The following SVEP1 variants were observed in gnomAD, a reference collection of about 807,000 sequenced individuals.
The protein encoded by SVEP1 is sushi, von Willebrand factor type A, EGF and pentraxin domain-containing protein 1.
SVEP1 carries 164 observed loss-of-function variants against 367.3 expected under a neutral mutation model. The observed-to-expected ratio is 0.45, with a 90% CI of 0.39 to 0.51. The LOEUF is 0.51. Among genes scored for constraint, SVEP1 ranks in the 20% least tolerant of loss-of-function variants. The pLI is 0.00. For synonymous variants in SVEP1, 1,666 were observed against 1,611.6 expected (o/e 1.03, Z -0.81); for missense variants, 4,117 against 4,425.3 (o/e 0.93, Z 1.98).
At chr9:110,523,977 T>A (rs1345272008) in intron 3 of SVEP1, among the ~76,000 whole-genome samples, 1 of 151,986 alleles carries the variant, frequency 6.6e-6, no homozygotes, top group Non-Finnish European at 1.5e-5. Context: ...ATTACCAATA[T>A]CAGGTAAGCA....
intron 27 of SVEP1, among the ~76,000 whole-genome samples, chr9:110,439,328 C>T (rs1479829466): frequency 6.6e-6 from 1 of 152,152 alleles, no homozygotes; most frequent in Admixed American, 6.6e-5. Context: ...AGGAACCAAC[C>T]ATACTGCTAC....
chr9:110,515,145 A>C (rs943280705), intron 3 of SVEP1, among the ~76,000 whole-genome samples: 4 of 152,358 alleles, frequency 2.6e-5, no homozygotes, highest in African/African-American at 9.6e-5. Flanking sequence ...CATCTGTAAA[A>C]TAATTTAAAT....
intron 21 of SVEP1, 32 bp downstream of exon 21, chr9:110,457,224 T>C: frequency 6.7e-7 from 1 of 1,482,482 alleles, no homozygotes; most frequent in Non-Finnish European, 9.2e-7. Context: ...ATATAAAATA[T>C]ATTAAAATCT....
chr9:110,558,444 G>T (rs1178899934), intron 1 of SVEP1, among the ~76,000 whole-genome samples: 1 of 149,550 alleles, frequency 6.7e-6, no homozygotes, highest in Non-Finnish European at 1.5e-5. Context: ...GGCCCAGGAG[G>T]TGAATGTTGC....
Position 110,377,129 on chromosome 9 carries a change from T to C in SVEP1, c.10504+142A>G, listed in dbSNP as rs1344902295. 1.0e-5 allele frequency: 6 copies of C among 588,696 alleles called. No individual in the cohort carries two copies. In the Admixed American group the frequency reaches 1.2e-4, roughly 12 times the overall value. 36.5% of individuals were successfully genotyped at this position (588,696 alleles called of 1,614,324 possible). A position where few individuals can be genotyped will look rare whatever the true frequency, so the allele number is the denominator to read the frequency against. ...AGATCTTCTGCAACCTGTTGACACATATGTGCTCTGTTTGGTGTGGACAAG... is the reference window on the plus strand; with the variant it reads ...AGATCTTCTGCAACCTGTTGACACACATGTGCTCTGTTTGGTGTGGACAAG... On this transcript the variant is annotated intron_variant, in intron 45 of 47. Transcript: ENST00000374469.
At chr9:110,502,442 A>AATTCTATTT (rs1272187303) in intron 6 of SVEP1, among the ~76,000 whole-genome samples, 1 of 151,884 alleles carries the variant, frequency 6.6e-6, no homozygotes, top group East Asian at 1.9e-4. Flanking sequence ...TTATATTTTA[A>AATTCTATTT]ATTCTATTTT....
At chr9:110,555,204 A>T (rs973512872) in intron 1 of SVEP1, among the ~76,000 whole-genome samples, 1 of 151,942 alleles carries the variant, frequency 6.6e-6, no homozygotes, top group African/African-American at 2.4e-5. Flanking sequence ...ATTTTCCTAG[A>T]AAGGAGGAGA....
chr9:110,406,733 G>A lies in SVEP1; in HGVS notation c.8867C>T (p.Ala2956Val), dbSNP rs191479924. Residue 2956 changes from alanine to valine, a missense_variant, in exon 38 of 48, where the codon GCC becomes GTC. Physicochemically the swap from Ala to Val is moderately conservative, Grantham distance 64 (BLOSUM62 0). Transcript: ENST00000374469. ...GGAAAAACCATTAGGGAAACCATGGGCAAGATCTTCAGGAGGTCCACAGTT... is the reference window on the plus strand; with the variant it reads ...GGAAAAACCATTAGGGAAACCATGGACAAGATCTTCAGGAGGTCCACAGTT... ...PVNCGPPEDL[A>V]HGFPNGFSFI... 3,877 of 1,614,008 alleles carry A rather than the reference G, an allele frequency of 2.4e-3. 7 individuals are homozygous for A. Among genetic ancestry groups the A allele is most frequent in the Non-Finnish European group, 3.1e-3 (3,671 of 1,179,892 alleles).
At chr9:110,387,599 AAGG>A in intron 41 of SVEP1, 141 bp from the exon 42 acceptor site, 1 of 938,858 alleles carries the variant, frequency 1.1e-6, no homozygotes, top group Non-Finnish European at 1.5e-6. Flanking sequence ...ATATTCATTG[AAGG>A]AGAAAAATAT....
chr9:110,515,678 C>A (rs1336601065), intron 3 of SVEP1, among the ~76,000 whole-genome samples: 3 of 152,038 alleles, frequency 2.0e-5, no homozygotes, highest in Non-Finnish European at 2.9e-5. Flanking sequence ...TTAATACTAT[C>A]AATATTTGCA....
At chr9:110,481,683 G>C (rs1829191601) in intron 11 of SVEP1, among the ~76,000 whole-genome samples, 4 of 151,282 alleles carry the variant, frequency 2.6e-5, no homozygotes, top group Admixed American at 1.3e-4. Flanking sequence ...AAAAGTTAAA[G>C]TACTTCTGAC....
At chr9:110,522,055 A>G (rs1332856555) in intron 3 of SVEP1, among the ~76,000 whole-genome samples, 1 of 152,180 alleles carries the variant, frequency 6.6e-6, no homozygotes, top group Non-Finnish European at 1.5e-5. Context: ...AAACTACTTT[A>G]TATTCCCATT....
At chr9:110,431,865 T>C (rs2118556693) in intron 32 of SVEP1, 50 bp downstream of exon 32, 6 of 1,607,132 alleles carry the variant, frequency 3.7e-6, no homozygotes, top group Non-Finnish European at 5.1e-6. Context: ...AATATGTACT[T>C]GAATAAAAGA....
chr9:110,561,433 T>G lies in SVEP1; in HGVS notation c.532-11329A>C, dbSNP rs184060460. Among the ~76,000 whole-genome samples the G allele has an allele frequency of 2.3e-3, 355 of 152,304 alleles. 2 individuals carry two copies. Among genetic ancestry groups the G allele is most frequent in the African/African-American group, 7.8e-3 (323 of 41,570 alleles). On this transcript the variant is annotated intron_variant, in intron 1 of 47. Transcript: ENST00000374469. ...ATGGCAGGAATTGAATCTTATATTC[T>G]CACTCTATTGATAACAAAGATTAAC...
At chr9:110,552,098 C>A (rs539060784) in intron 1 of SVEP1, among the ~76,000 whole-genome samples, 2 of 132,936 alleles carry the variant, frequency 1.5e-5, no homozygotes, top group Non-Finnish European at 3.1e-5. Context: ...GTGGTGCGAT[C>A]TCGGCTCACT....
At chr9:110,546,655 G>C (rs532640007) in intron 2 of SVEP1, among the ~76,000 whole-genome samples, 4 of 152,232 alleles carry the variant, frequency 2.6e-5, no homozygotes, top group African/African-American at 9.6e-5. Flanking sequence ...ACTGCCTCTG[G>C]GTGAGGTCAG....
chr9:110,443,354 G>A (rs774422755), intron 27 of SVEP1, 191 bp downstream of exon 27: 38 of 464,072 alleles, frequency 8.2e-5, no homozygotes, highest in Non-Finnish European at 1.3e-4. Context: ...CACACAGAGA[G>A]GCAAACAGCT....
intron 1 of SVEP1, among the ~76,000 whole-genome samples, chr9:110,577,932 A>G (rs1025584090): frequency 2.0e-5 from 3 of 152,202 alleles, no homozygotes; most frequent in Admixed American, 1.3e-4. Flanking sequence ...ATTGACAAAG[A>G]TATTAAAAAG....
Position 110,526,093 on chromosome 9 carries a change from T to C in SVEP1, c.965-11987A>G, listed in dbSNP as rs539367046. ...TAAAACTATAACACTTTTCGAAACA[T>C]AGGAGAAAATCTTCAGGAACCAGTA... On this transcript the variant is annotated intron_variant, in intron 3 of 47. Transcript: ENST00000374469. Among the ~76,000 whole-genome samples the C allele has an allele frequency of 9.3e-4, 142 of 151,918 alleles. 1 individual carries two copies. The highest frequency in any genetic ancestry group is 6.8e-3 in the South Asian group (33 of 4,824).
Sources: allele counts gnomAD v4.1 joint callset (sites outside exome capture counted in the v4.1 genomes callset), GRCh38; gene constraint gnomAD v4.1.1; transcripts MANE v1.5; gene names NCBI Gene and HGNC (gene_info 2026-07-23, HGNC 2026-07-21).